The following HBS1L variants were observed in gnomAD, a reference collection of about 807,000 sequenced individuals.
HBS1L encodes the protein HBS1-like protein.
In HBS1L, 55 loss-of-function variants were observed where a neutral mutation model predicts 88.9. The observed-to-expected ratio is 0.62, with a 90% confidence interval of 0.50 to 0.77. The LOEUF (loss-of-function observed/expected upper bound fraction) is 0.77. HBS1L is among the 30% of genes least tolerant of loss of function. The probability of loss-of-function intolerance (pLI) is 0.00; values close to 1 mark genes in which losing one functional copy is unlikely to be tolerated. For missense variants in HBS1L, 741 were observed against 829.3 expected, an observed-to-expected ratio of 0.89 and a Z score of 1.31; for synonymous variants, 267 against 288.5, an observed-to-expected ratio of 0.93 and a Z score of 0.76.
Position 135,043,701 on chromosome 6 carries a change from G to C in HBS1L, c.110-1575C>G, listed in dbSNP as rs190239133. Among the ~76,000 whole-genome samples, 11 of 152,140 alleles carry C rather than the reference G, an allele frequency of 7.2e-5. No homozygotes were observed. In the East Asian group the frequency reaches 2.1e-3, roughly 29 times the overall value. ...AAGACTGGAGCATTATAATAAAGGA[G>C]GTAGGAATATAGGGAAAATTGAAGA... On this transcript the variant is annotated intron_variant, in intron 2 of 17. Coordinates refer to ENST00000367837, the MANE Select transcript of HBS1L (RefSeq NM_006620.4).
chr6:135,027,940 T>C (rs990324225), intron 4 of HBS1L, among the ~76,000 whole-genome samples: 33 of 152,104 alleles, frequency 2.2e-4, no homozygotes, highest in African/African-American at 7.0e-4. Flanking sequence ...AATTTTTTTG[T>C]ATTTTTGGTA....
chr6:135,005,343 A>G (rs1775580781), intron 4 of HBS1L, among the ~76,000 whole-genome samples: 1 of 152,248 alleles, frequency 6.6e-6, no homozygotes. Context: ...GAGGCTATTT[A>G]TCGATAGCAC....
chr6:135,012,670 C>A (rs558479970), intron 4 of HBS1L, among the ~76,000 whole-genome samples: 1 of 152,280 alleles, frequency 6.6e-6, no homozygotes, highest in East Asian at 1.9e-4. Flanking sequence ...TCCTTGCAAA[C>A]TCCCATAAAC....
intron 4 of HBS1L, among the ~76,000 whole-genome samples, chr6:135,012,762 A>G (rs1204476365): frequency 6.6e-6 from 1 of 152,174 alleles, no homozygotes; most frequent in Non-Finnish European, 1.5e-5. Flanking sequence ...TTCATGCAAA[A>G]GCCACTACTT....
chr6:134,983,656 C>T (rs991296893), intron 12 of HBS1L: 1 of 152,054 alleles, frequency 6.6e-6, no homozygotes, highest in South Asian at 2.1e-4. Flanking sequence ...GAGAGATGTC[C>T]AGTAGTGCTT....
chr6:134,965,344 TA>T, intron 17 of HBS1L, 54 bp from the exon 18 acceptor site: 1 of 1,231,562 alleles, frequency 8.1e-7, no homozygotes. Flanking sequence ...AATCACATTA[TA>T]AGAACAACAA....
At chr6:135,016,053 A>C (rs991099597) in intron 4 of HBS1L, among the ~76,000 whole-genome samples, 1 of 151,154 alleles carries the variant, frequency 6.6e-6, no homozygotes, top group African/African-American at 2.4e-5. Flanking sequence ...TGCCCGGCTA[A>C]TTTTTGTATT....
intron 13 of HBS1L, among the ~76,000 whole-genome samples, chr6:134,981,924 C>T (rs1774842928): frequency 6.6e-6 from 1 of 151,854 alleles, no homozygotes; most frequent in Non-Finnish European, 1.5e-5. Context: ...GCAATTTAAA[C>T]TAGTTCAATT....
chr6:135,027,419 A>G (rs1433263972), intron 4 of HBS1L, among the ~76,000 whole-genome samples: 1 of 152,062 alleles, frequency 6.6e-6, no homozygotes, highest in African/African-American at 2.4e-5. Flanking sequence ...AGCAACCAAA[A>G]TTCTAAAACT....
chr6:134,982,246 GT>G, intron 13 of HBS1L: 1 of 492,168 alleles, frequency 2.0e-6, no homozygotes, highest in Non-Finnish European at 3.6e-6. Flanking sequence ...CAGTTAGAAT[GT>G]TTATGTACAT....
chr6:134,983,569 T>C (rs1014582052), intron 12 of HBS1L: 2 of 152,142 alleles, frequency 1.3e-5, no homozygotes, highest in African/African-American at 2.4e-5. Flanking sequence ...GACACACACA[T>C]GCAGAAGTTG....
rs1776162511 is a variant in HBS1L, at chr6:135,024,414, T to C, written c.430+15159A>G. 2.4e-5 allele frequency among the ~76,000 whole-genome samples: 3 copies of C among 123,908 alleles called. No homozygotes were observed. In the South Asian group the frequency reaches 7.3e-4, roughly 30 times the overall value. The allele number at this position is 123,908 out of a possible 152,430, so 81.3% of individuals were successfully genotyped here. On this transcript the variant is annotated intron_variant, in intron 4 of 17. Transcript: ENST00000367837. ...GAGATTGCACCACTACACTCAAGCCTGGGTGACAGAGTGAGACTTCGTCTC... is the reference window on the plus strand; with the variant it reads ...GAGATTGCACCACTACACTCAAGCCCGGGTGACAGAGTGAGACTTCGTCTC...
At chr6:134,997,116 G>T (rs752582108) in intron 6 of HBS1L, among the ~76,000 whole-genome samples, 174 bp from the exon 7 acceptor site, 3 of 151,932 alleles carry the variant, frequency 2.0e-5, no homozygotes, top group Non-Finnish European at 4.4e-5. Context: ...TCTCTTTACA[G>T]ACGGGGGGAA....
intron 13 of HBS1L, among the ~76,000 whole-genome samples, chr6:134,981,176 T>C (rs1774821250): frequency 6.6e-6 from 1 of 151,906 alleles, no homozygotes; most frequent in East Asian, 1.9e-4. Flanking sequence ...TTTATGGCTC[T>C]TAATCATAAA....
chr6:134,999,384 T>G (rs1446263320), intron 5 of HBS1L, among the ~76,000 whole-genome samples: 1 of 151,864 alleles, frequency 6.6e-6, no homozygotes, highest in Non-Finnish European at 1.5e-5. Context: ...TTCAATAACA[T>G]GAAAGGTTTG....
intron 4 of HBS1L, among the ~76,000 whole-genome samples, chr6:135,004,206 G>A (rs546344934): frequency 6.0e-5 from 9 of 150,588 alleles, no homozygotes; most frequent in African/African-American, 2.0e-4. Flanking sequence ...AAGAACAGAC[G>A]TAACACTTGC....
At chr6:134,994,621 T>A (rs1004109965) in intron 7 of HBS1L, among the ~76,000 whole-genome samples, 1 of 152,164 alleles carries the variant, frequency 6.6e-6, no homozygotes, top group African/African-American at 2.4e-5. Flanking sequence ...ATACACATTA[T>A]ACACATAGCC....
At chr6:135,012,118 G>GATATTGTTCACTGTGTTACCATATGTA (rs1775793702) in intron 4 of HBS1L, among the ~76,000 whole-genome samples, 1 of 152,070 alleles carries the variant, frequency 6.6e-6, no homozygotes, top group Non-Finnish European at 1.5e-5. Flanking sequence ...GTATATGAAT[G>GATATTGTTCACTGTGTTACCATATGTA]ATATTGTTCA....
At chr6:135,044,405 C>T (rs1776845450) in intron 2 of HBS1L, among the ~76,000 whole-genome samples, 1 of 152,044 alleles carries the variant, frequency 6.6e-6, no homozygotes, top group Admixed American at 6.6e-5. Flanking sequence ...TGTAGGGATA[C>T]ATATATCCCT....
Sources: allele counts gnomAD v4.1 joint callset (sites outside exome capture counted in the v4.1 genomes callset), GRCh38; gene constraint gnomAD v4.1.1; transcripts MANE v1.5; gene names NCBI Gene and HGNC (gene_info 2026-07-23, HGNC 2026-07-21).